Variants in DENND5B observed in about 807,000 individuals in gnomAD.
DENND5B encodes DENN domain containing 5B, also known as DENN domain-containing protein 5B.
Under a neutral mutation model 140.6 loss-of-function variants are expected in DENND5B, and 34 were observed. The observed-to-expected ratio is 0.24, with a 90% confidence interval of 0.18 to 0.32. The LOEUF (loss-of-function observed/expected upper bound fraction) is 0.32. DENND5B is among the 10% of genes least tolerant of loss of function. The probability of loss-of-function intolerance (pLI) is 1.00; values close to 1 mark genes in which losing one functional copy is unlikely to be tolerated. For synonymous variants in DENND5B, 551 were observed against 562.1 expected (o/e 0.98, Z 0.28); for missense variants, 1,142 against 1,560.2 (o/e 0.73, Z 4.52).
chr12:31,543,244 A>G (rs1252418216), intron 1 of DENND5B, among the ~76,000 whole-genome samples: 1 of 152,134 alleles, frequency 6.6e-6, no homozygotes, highest in Non-Finnish European at 1.5e-5. Flanking sequence ...ATGGTTCATA[A>G]AGATGCAAAA....
In DENND5B at chr12:31,394,750, A is replaced by G. The variant is rs186638344; in HGVS notation, c.3257-2054T>C. On this transcript the variant is annotated intron_variant, in intron 17 of 20. Coordinates refer to ENST00000389082, the MANE Select transcript of DENND5B (RefSeq NM_144973.4). ...TGCCTCAGCCTCCCGAGTAGCTGGGACTATTGACACCTGCCACCATGCCCG... is the reference window on the plus strand; with the variant it reads ...TGCCTCAGCCTCCCGAGTAGCTGGGGCTATTGACACCTGCCACCATGCCCG... 3.5e-3 allele frequency among the ~76,000 whole-genome samples: 533 copies of G among 151,980 alleles called. 5 individuals are homozygous for G. The highest frequency in any genetic ancestry group is 0.012 in the African/African-American group (479 of 41,450).
intron 1 of DENND5B, among the ~76,000 whole-genome samples, chr12:31,588,162 G>A (rs1302029058): frequency 6.6e-6 from 1 of 152,176 alleles, no homozygotes; most frequent in Middle Eastern, 3.4e-3. Context: ...CAGGGTCTTC[G>A]CACTTGCTGT....
In DENND5B at chr12:31,469,581, G is replaced by A. The variant is rs559048676; in HGVS notation, c.905-9200C>T. ...TCTGGGAATTTATAGAACTTGAGGG[G>A]TTGGGGGATGGTGTTGGGGAACCCC... On this transcript the variant is annotated intron_variant, in intron 3 of 20. Transcript: ENST00000389082. Among the ~76,000 whole-genome samples the A allele has an allele frequency of 1.3e-4, 20 of 152,278 alleles. No individual in the cohort carries two copies. The South Asian group carries it at 3.9e-3, about 30-fold the overall frequency.
At chr12:31,416,299 C>G (rs1942735203) in intron 11 of DENND5B, among the ~76,000 whole-genome samples, 1 of 151,450 alleles carries the variant, frequency 6.6e-6, no homozygotes, top group South Asian at 2.1e-4. Context: ...CTCTGTTGCT[C>G]TGTTGCCAGG....
At position 31,402,636 on chromosome 12, in the gene DENND5B, C is replaced by G. The variant is rs766664169; in HGVS notation, c.2811G>C (p.Pro937=). ...TGATTGGGATGATCACTGACCTATA[C>G]GGAATCACTGAAAGAAAAATGCAGA... ...FTSVFTTIMI[P]YRSVIIPIKK... The change falls in exon 15 of 21, where the codon CCG becomes CCC. Residue 937 remains proline, a synonymous_variant. Transcript: ENST00000389082. 1.3e-6 allele frequency: 2 copies of G among 1,596,262 alleles called. No individual in the cohort carries two copies. The highest frequency in any genetic ancestry group is 4.5e-5 in the East Asian group (2 of 44,658).
At chr12:31,464,612 G>C (rs538266936) in intron 3 of DENND5B, among the ~76,000 whole-genome samples, 1 of 152,090 alleles carries the variant, frequency 6.6e-6, no homozygotes, top group Non-Finnish European at 1.5e-5. Flanking sequence ...CCAGGCTGGA[G>C]TGCAGTGGTG....
At chr12:31,523,260 G>A (rs999996518) in intron 1 of DENND5B, among the ~76,000 whole-genome samples, 7 of 151,882 alleles carry the variant, frequency 4.6e-5, no homozygotes, top group African/African-American at 1.7e-4. Flanking sequence ...ATGGGGGTTT[G>A]CCATGTTGGC....
At chr12:31,451,842 G>T in intron 5 of DENND5B, 98 bp downstream of exon 5, 1 of 1,369,302 alleles carries the variant, frequency 7.3e-7, no homozygotes, top group Non-Finnish European at 9.9e-7. Flanking sequence ...AATAATATAT[G>T]GGTAAGCATA....
chr12:31,554,851 G>A (rs1056494842), intron 1 of DENND5B, among the ~76,000 whole-genome samples: 6 of 151,942 alleles, frequency 3.9e-5, no homozygotes, highest in Non-Finnish European at 8.8e-5. Context: ...TGATCACATT[G>A]GCTACTGAGG....
At chr12:31,566,958 G>A (rs1417043396) in intron 1 of DENND5B, among the ~76,000 whole-genome samples, 4 of 152,138 alleles carry the variant, frequency 2.6e-5, no homozygotes, top group East Asian at 1.9e-4. Context: ...CCTGGGAGGC[G>A]GAGGTTAGAA....
At chr12:31,482,874 A>G (rs556883058) in intron 2 of DENND5B, among the ~76,000 whole-genome samples, 49 of 152,324 alleles carry the variant, frequency 3.2e-4, no homozygotes, top group African/African-American at 9.6e-4. Flanking sequence ...CACTCTTGCC[A>G]AAATTCTCCA....
intron 16 of DENND5B, among the ~76,000 whole-genome samples, chr12:31,399,115 T>A (rs1415515401): frequency 2.0e-5 from 2 of 99,508 alleles, no homozygotes; most frequent in East Asian, 3.3e-4. Context: ...AGAGTGAAAC[T>A]CTGTCTCAGC....
At chr12:31,467,572 A>G (rs1945331538) in intron 3 of DENND5B, among the ~76,000 whole-genome samples, 1 of 152,160 alleles carries the variant, frequency 6.6e-6, no homozygotes. Flanking sequence ...CCAGGAGTTC[A>G]GTCGCATCAC....
At chr12:31,540,787 C>T (rs77506824) in intron 1 of DENND5B, 3,304 of 155,962 alleles carry the variant, frequency 0.021, 56 homozygotes, top group South Asian at 0.05. Flanking sequence ...AATTTTATTA[C>T]CTGACTTCAA....
At chr12:31,389,261 C>G (rs1335618597) in intron 20 of DENND5B, 63 bp downstream of exon 20, 1 of 1,503,758 alleles carries the variant, frequency 6.7e-7, no homozygotes, top group African/African-American at 1.4e-5. Context: ...TCTGGTATAA[C>G]CTTTTCTGGA....
intron 2 of DENND5B, among the ~76,000 whole-genome samples, chr12:31,492,487 C>T (rs1382245898): frequency 1.3e-5 from 2 of 152,294 alleles, no homozygotes; most frequent in South Asian, 2.1e-4. Context: ...CATGGTGCCA[C>T]CACACCCAGC....
intron 2 of DENND5B, among the ~76,000 whole-genome samples, chr12:31,494,237 C>T (rs1458748569): frequency 6.8e-6 from 1 of 147,822 alleles, no homozygotes; most frequent in Admixed American, 6.8e-5. Flanking sequence ...TACCTACCTA[C>T]CTACCTACCT....
intron 3 of DENND5B, chr12:31,465,206 G>A (rs1294614891): frequency 6.6e-6 from 1 of 152,272 alleles, no homozygotes; most frequent in Non-Finnish European, 1.5e-5. Flanking sequence ...TGGCGGCACA[G>A]GAGCCATGGT....
At chr12:31,480,471 T>C (rs909783412) in intron 2 of DENND5B, among the ~76,000 whole-genome samples, 2 of 152,192 alleles carry the variant, frequency 1.3e-5, no homozygotes, top group African/African-American at 4.8e-5. Flanking sequence ...GGAAAAACTT[T>C]TACTGTGTGA....
Sources: allele counts gnomAD v4.1 joint callset (sites outside exome capture counted in the v4.1 genomes callset), GRCh38; gene constraint gnomAD v4.1.1; transcripts MANE v1.5; gene names NCBI Gene and HGNC (gene_info 2026-07-23, HGNC 2026-07-21).